Variants in LRP1B observed in about 807,000 individuals in gnomAD.
LRP1B encodes the protein low-density lipoprotein receptor-related protein 1B.
LRP1B carries 217 observed loss-of-function variants against 556.6 expected under a neutral mutation model. The observed-to-expected ratio is 0.39, with a 90% confidence interval of 0.35 to 0.44. The LOEUF is 0.44. Among genes scored for constraint, LRP1B ranks in the 20% least tolerant of loss-of-function variants. The pLI is 1.00. For missense variants in LRP1B, 5,053 were observed against 5,620.8 expected (o/e 0.90, Z 3.23); for synonymous variants, 2,047 against 1,865.8 (o/e 1.10, Z -2.50).
intron 31 of LRP1B, among the ~76,000 whole-genome samples, chr2:140,825,300 A>T (rs995037394): frequency 3.3e-5 from 5 of 152,202 alleles, no homozygotes; most frequent in African/African-American, 1.2e-4. Flanking sequence ...CAAAGAAGGG[A>T]AATACAGCTG....
chr2:141,851,511 G>A (rs1697855437), intron 1 of LRP1B, among the ~76,000 whole-genome samples: 1 of 151,744 alleles, frequency 6.6e-6, no homozygotes, highest in African/African-American at 2.4e-5. Context: ...GTGAAAATTT[G>A]CCAGTGTGAA....
chr2:142,105,277 C>T lies in LRP1B; in HGVS notation c.82+25371G>A, dbSNP rs565401451. ...GTTTTAGACAGATCTCTTTGGGTTT[C>T]TAAAAAGGTCATTCTAATTTCAGGG... On this transcript the variant is annotated intron_variant, in intron 1 of 90. Transcript: ENST00000389484. Among the ~76,000 whole-genome samples, 13 of 152,280 alleles carry T rather than the reference C, an allele frequency of 8.5e-5. No homozygotes were observed. The East Asian group carries it at 2.3e-3, about 27-fold the overall frequency.
intron 45 of LRP1B, among the ~76,000 whole-genome samples, chr2:140,539,943 G>A (rs565053131): frequency 6.6e-6 from 1 of 152,048 alleles, no homozygotes; most frequent in Non-Finnish European, 1.5e-5. Flanking sequence ...GTGCCTTTTT[G>A]GGTTGTAGTA....
chr2:140,266,282 G>A (rs1054526032), intron 86 of LRP1B, among the ~76,000 whole-genome samples: 1 of 151,906 alleles, frequency 6.6e-6, no homozygotes, highest in Non-Finnish European at 1.5e-5. Flanking sequence ...CCACCTAACT[G>A]AGAAATCCAA....
intron 3 of LRP1B, among the ~76,000 whole-genome samples, chr2:141,368,797 A>G (rs1026952937): frequency 1.3e-5 from 2 of 152,196 alleles, no homozygotes; most frequent in African/African-American, 4.8e-5. Flanking sequence ...GGTGAATCTT[A>G]ACTGACAATA....
At chr2:140,786,890 G>A (rs1689924548) in intron 32 of LRP1B, among the ~76,000 whole-genome samples, 1 of 152,160 alleles carries the variant, frequency 6.6e-6, no homozygotes. Context: ...GTGAAGGGGA[G>A]AATGACAGTG....
chr2:141,432,267 C>A (rs533129644), intron 3 of LRP1B, among the ~76,000 whole-genome samples: 1 of 152,054 alleles, frequency 6.6e-6, no homozygotes, highest in Non-Finnish European at 1.5e-5. Flanking sequence ...AAATCTTAAA[C>A]CAGCTTTGCA....
intron 1 of LRP1B, among the ~76,000 whole-genome samples, chr2:142,072,586 A>T (rs1282212857): frequency 2.0e-5 from 3 of 151,836 alleles, no homozygotes; most frequent in African/African-American, 7.3e-5. Flanking sequence ...AAATTATGAG[A>T]TTTTTGTGAT....
intron 18 of LRP1B, among the ~76,000 whole-genome samples, chr2:140,978,845 A>G (rs999481057): frequency 6.6e-6 from 1 of 152,182 alleles, no homozygotes; most frequent in African/African-American, 2.4e-5. Flanking sequence ...ATACTAACCC[A>G]TGCCGCTAGT....
At chr2:141,988,292 T>C (rs577228060) in intron 1 of LRP1B, among the ~76,000 whole-genome samples, 2 of 151,882 alleles carry the variant, frequency 1.3e-5, no homozygotes, top group Non-Finnish European at 2.9e-5. Flanking sequence ...TACTGGTTTC[T>C]TGTGTGTTCT....
chr2:141,490,368 C>CGTGTGTGTGTGTGTGTGTG (rs1491339740), intron 2 of LRP1B, among the ~76,000 whole-genome samples: 1 of 40,842 alleles, frequency 2.4e-5, no homozygotes, highest in Non-Finnish European at 5.8e-5. Flanking sequence ...TTAAAATAGC[C>CGTGTGTGTGTGTGTGTGTG]TCGTGTGTGT....
intron 1 of LRP1B, among the ~76,000 whole-genome samples, chr2:141,914,380 T>A (rs1028096874): frequency 6.6e-6 from 1 of 152,114 alleles, no homozygotes; most frequent in Non-Finnish European, 1.5e-5. Flanking sequence ...TTTAAGTAGG[T>A]TGACTAATAA....
chr2:141,875,318 A>G (rs1051834413), intron 1 of LRP1B, among the ~76,000 whole-genome samples: 1 of 151,814 alleles, frequency 6.6e-6, no homozygotes, highest in Non-Finnish European at 1.5e-5. Context: ...CACACAGCCA[A>G]TATTTATCAT....
intron 3 of LRP1B, among the ~76,000 whole-genome samples, chr2:141,433,628 T>G (rs1680650524): frequency 6.6e-6 from 1 of 152,058 alleles, no homozygotes; most frequent in Non-Finnish European, 1.5e-5. Context: ...TTCTAATAAG[T>G]CAGCTGATAG....
intron 7 of LRP1B, among the ~76,000 whole-genome samples, chr2:141,091,549 C>T (rs1302435413): frequency 1.3e-5 from 2 of 152,092 alleles, no homozygotes; most frequent in African/African-American, 4.8e-5. Flanking sequence ...CGTGAGGTGA[C>T]TTGGCATGTC....
chr2:141,714,160 G>A (rs1692479043), intron 2 of LRP1B, among the ~76,000 whole-genome samples: 1 of 152,122 alleles, frequency 6.6e-6, no homozygotes, highest in Non-Finnish European at 1.5e-5. Context: ...TAGACTGAAA[G>A]CAGCTCACTC....
intron 4 of LRP1B, among the ~76,000 whole-genome samples, chr2:141,248,215 T>C (rs1684138205): frequency 6.6e-6 from 1 of 152,182 alleles, no homozygotes; most frequent in Admixed American, 6.5e-5. Context: ...CAAAAAGGCA[T>C]CCTGTCAGTA....
intron 3 of LRP1B, among the ~76,000 whole-genome samples, chr2:141,414,180 T>C (rs1234572842): frequency 1.5e-5 from 2 of 133,978 alleles, no homozygotes; most frequent in Non-Finnish European, 1.5e-5. Context: ...GAGCTTGCAG[T>C]GAGCGGAGAT....
rs75432606 is a variant in LRP1B at position 141,218,726 on chromosome 2, T to C, written c.850+10457A>G. On this transcript the variant is annotated intron_variant, in intron 6 of 90. Coordinates refer to ENST00000389484, the MANE Select transcript of LRP1B (RefSeq NM_018557.3). ...AGTTGATGTCCAAACTTTAACATCA[T>C]GCAATATACCCACATAATAAACCTG... Among the ~76,000 whole-genome samples the C allele has an allele frequency of 9.7e-3, 1,470 of 152,234 alleles. 64 individuals are homozygous for C. Among genetic ancestry groups the C allele is most frequent in the Admixed American group, 0.067 (1,028 of 15,298 alleles).
Sources: gnomAD v4.1 joint callset for allele counts (sites outside exome capture counted in the v4.1 genomes callset) on GRCh38, gnomAD v4.1.1 for gene constraint, MANE v1.5 for transcripts, NCBI Gene and HGNC (gene_info 2026-07-23, HGNC 2026-07-21) for gene names.